The following AGBL1 variants were observed in gnomAD, a reference collection of about 807,000 sequenced individuals.
AGBL1 encodes the protein cytosolic carboxypeptidase 4.
Under a neutral mutation model 118.9 loss-of-function variants are expected in AGBL1, and 130 were observed. The ratio of observed to expected loss-of-function variants is 1.09; its 90% CI spans 0.95 to 1.26. The LOEUF is 1.26. AGBL1 is among the 50% of genes most tolerant of loss of function. AGBL1 has a pLI of 0.00. For synonymous variants in AGBL1, 555 were observed against 478.9 expected (o/e 1.16, Z -2.08); for missense variants, 1,584 against 1,298.1 (o/e 1.22, Z -3.38).
intron 22 of AGBL1, among the ~76,000 whole-genome samples, chr15:86,761,364 A>G (rs2078021749): frequency 6.6e-6 from 1 of 152,068 alleles, no homozygotes; most frequent in Non-Finnish European, 1.5e-5. Context: ...AGTGCTAGTG[A>G]TTGTGTTTCT....
intron 22 of AGBL1, among the ~76,000 whole-genome samples, chr15:86,677,672 A>G (rs781739795): frequency 3.9e-5 from 6 of 152,194 alleles, no homozygotes; most frequent in East Asian, 1.9e-4. Context: ...TGCCTCAGCA[A>G]TGGCTCAACA....
rs1364619205 is a variant in AGBL1 at position 86,909,441 on chromosome 15, T to C, written c.*2147T>C. Reference sequence around the variant, plus strand: ...ACAAAACAGGATTAGCTCCAAGGCATAGAAGAAAGGCATCTGTGTTGTGAT... The same window carrying C: ...ACAAAACAGGATTAGCTCCAAGGCACAGAAGAAAGGCATCTGTGTTGTGAT... On this transcript the variant is annotated 3_prime_UTR_variant, in exon 23 of 23. Transcript: ENST00000614907. The C allele has an allele frequency of 2.6e-5, 4 of 152,266 alleles. No homozygotes were observed. The highest frequency in any genetic ancestry group is 4.4e-5 in the Non-Finnish European group (3 of 68,046). The allele number at this position is 152,266 out of a possible 1,614,324, so 9.4% of individuals were successfully genotyped here.
chr15:86,781,657 T>C (rs1450597570), intron 22 of AGBL1, among the ~76,000 whole-genome samples: 2 of 152,208 alleles, frequency 1.3e-5, no homozygotes, highest in African/African-American at 2.4e-5. Context: ...AGAACTTTTA[T>C]ATCTGAGTCG....
intron 5 of AGBL1, among the ~76,000 whole-genome samples, chr15:86,179,650 T>C (rs2077526577): frequency 6.6e-6 from 1 of 151,644 alleles, no homozygotes; most frequent in Non-Finnish European, 1.5e-5. Flanking sequence ...GAAAAAAAAC[T>C]AGACTGTCTA....
intron 18 of AGBL1, among the ~76,000 whole-genome samples, chr15:86,506,054 T>C (rs907002982): frequency 6.6e-6 from 1 of 152,098 alleles, no homozygotes. Context: ...CAGAGTTTCT[T>C]AGTATTCTGT....
chr15:86,610,450 G>C (rs1300455318), intron 21 of AGBL1, among the ~76,000 whole-genome samples: 1 of 152,214 alleles, frequency 6.6e-6, no homozygotes, highest in African/African-American at 2.4e-5. Flanking sequence ...GTTGTGAAGA[G>C]ACACTTTCTT....
chr15:86,632,246 T>G (rs1596322405), intron 21 of AGBL1, among the ~76,000 whole-genome samples: 2 of 131,236 alleles, frequency 1.5e-5, no homozygotes, highest in African/African-American at 3.0e-5. Flanking sequence ...CCAGCCAGGG[T>G]GGCAGCGCAA....
intron 22 of AGBL1, among the ~76,000 whole-genome samples, chr15:86,862,272 C>G (rs1417607919): frequency 1.3e-5 from 2 of 152,120 alleles, no homozygotes; most frequent in Non-Finnish European, 2.9e-5. Context: ...TTATAACTTA[C>G]TTAAAAATCT....
At chr15:86,452,651 C>T (rs2082209606) in intron 18 of AGBL1, among the ~76,000 whole-genome samples, 1 of 152,182 alleles carries the variant, frequency 6.6e-6, no homozygotes, top group African/African-American at 2.4e-5. Context: ...CACAGAAGTA[C>T]TTCAATGGCT....
intron 19 of AGBL1, among the ~76,000 whole-genome samples, chr15:86,541,616 A>AAAAAAGAGAG (rs1555423985): frequency 3.1e-5 from 3 of 97,064 alleles, no homozygotes; most frequent in African/African-American, 1.3e-4. Flanking sequence ...AAAAAAAAAA[A>AAAAAAGAGAG]AGAGAGAGAG....
At chr15:86,886,341 A>C (rs1009432761) in intron 22 of AGBL1, among the ~76,000 whole-genome samples, 1 of 152,232 alleles carries the variant, frequency 6.6e-6, no homozygotes, top group Non-Finnish European at 1.5e-5. Flanking sequence ...TAGCACTATC[A>C]CTTTTGCAGT....
At chr15:86,544,857 A>G (rs1036084192) in intron 19 of AGBL1, among the ~76,000 whole-genome samples, 2 of 152,226 alleles carry the variant, frequency 1.3e-5, no homozygotes, top group African/African-American at 4.8e-5. Flanking sequence ...GTCTACTGCA[A>G]AGGGTCATGC....
intron 22 of AGBL1, among the ~76,000 whole-genome samples, chr15:86,761,185 T>C (rs2078018848): frequency 6.6e-6 from 1 of 152,216 alleles, no homozygotes; most frequent in South Asian, 2.1e-4. Flanking sequence ...AGCTTTCATA[T>C]ACTGTTTTCC....
At chr15:86,221,699 ATTCT>A (rs1665140227) in intron 5 of AGBL1, among the ~76,000 whole-genome samples, 1 of 152,008 alleles carries the variant, frequency 6.6e-6, no homozygotes, top group African/African-American at 2.4e-5. Context: ...TCAGATGTTT[ATTCT>A]TATACAGATC....
intron 21 of AGBL1, among the ~76,000 whole-genome samples, chr15:86,670,946 C>T (rs1468901134): frequency 6.6e-6 from 1 of 151,978 alleles, no homozygotes; most frequent in Non-Finnish European, 1.5e-5. Flanking sequence ...GTTAGCTTTG[C>T]TTACTAATAC....
chr15:86,185,196 C>T (rs532365807), intron 5 of AGBL1, among the ~76,000 whole-genome samples: 2 of 152,118 alleles, frequency 1.3e-5, no homozygotes, highest in Non-Finnish European at 2.9e-5. Flanking sequence ...CAAATCAAAA[C>T]CACAATGAGA....
At chr15:86,633,118 AAAGT>A (rs2085003828) in intron 21 of AGBL1, among the ~76,000 whole-genome samples, 2 of 148,754 alleles carry the variant, frequency 1.3e-5, no homozygotes, top group South Asian at 4.2e-4. Flanking sequence ...AAAGACAAAG[AAAGT>A]ATCTTGAAAG....
Position 86,646,372 on chromosome 15 carries a change from C to T in AGBL1, c.2995-27901C>T, listed in dbSNP as rs529464162. ...GTTTCCTGAAAATAGGAATGTTAGA[C>T]CCTAGACAGTCCTTCTCGAACTTGA... On this transcript the variant is annotated intron_variant, in intron 21 of 22. Coordinates refer to ENST00000614907, the MANE Select transcript of AGBL1 (RefSeq NM_001386094.1). Among the ~76,000 whole-genome samples the T allele has an allele frequency of 8.5e-5, 13 of 152,288 alleles. 1 individual carries two copies. Among genetic ancestry groups the T allele is most frequent in the African/African-American group, 3.1e-4 (13 of 41,566 alleles).
At chr15:86,778,763 C>G (rs2078293255) in intron 22 of AGBL1, among the ~76,000 whole-genome samples, 1 of 152,110 alleles carries the variant, frequency 6.6e-6, no homozygotes, top group East Asian at 1.9e-4. Context: ...TCACATGGTC[C>G]TGAGGCAACA....
Sources: gnomAD v4.1 joint callset for allele counts (sites outside exome capture counted in the v4.1 genomes callset) on GRCh38, gnomAD v4.1.1 for gene constraint, MANE v1.5 for transcripts, NCBI Gene and HGNC (gene_info 2026-07-23, HGNC 2026-07-21) for gene names.